The following MEI1 variants were observed in gnomAD, a reference collection of about 807,000 sequenced individuals.
MEI1 encodes meiotic double-stranded break formation protein 1.
In MEI1, 103 loss-of-function variants were observed where a neutral mutation model predicts 146.2. The observed-to-expected ratio is 0.70, with a 90% CI of 0.60 to 0.83. The LOEUF (loss-of-function observed/expected upper bound fraction) is 0.83. Among genes scored for constraint, MEI1 ranks in the 40% least tolerant of loss-of-function variants. MEI1 has a pLI of 0.00. For synonymous variants in MEI1, 652 were observed against 628.2 expected (o/e 1.04, Z -0.57); for missense variants, 1,529 against 1,533.0 (o/e 1.00, Z 0.04).
intron 6 of MEI1, among the ~76,000 whole-genome samples, chr22:41,718,976 ATT>A (rs1357207316): frequency 4.7e-5 from 6 of 127,902 alleles, no homozygotes; most frequent in Non-Finnish European, 8.2e-5. Flanking sequence ...GGTTCAAGTG[ATT>A]CTTTTTTTTT....
At chr22:41,708,598 C>G (rs1292983011) in intron 3 of MEI1, among the ~76,000 whole-genome samples, 2 of 152,192 alleles carry the variant, frequency 1.3e-5, no homozygotes, top group Non-Finnish European at 2.9e-5. Context: ...ATCTGATGCT[C>G]TGAACAGGAA....
intron 24 of MEI1, among the ~76,000 whole-genome samples, chr22:41,782,553 C>G (rs976059001): frequency 2.6e-5 from 4 of 152,178 alleles, no homozygotes; most frequent in African/African-American, 9.7e-5. Flanking sequence ...TCATGGAAAC[C>G]ATCTGCTAGC....
intron 7 of MEI1, among the ~76,000 whole-genome samples, chr22:41,729,234 G>A (rs1380842702): frequency 6.6e-6 from 1 of 151,530 alleles, no homozygotes; most frequent in African/African-American, 2.4e-5. Context: ...TCAGGAGGCT[G>A]AAATGAGAAG....
intron 4 of MEI1, among the ~76,000 whole-genome samples, chr22:41,715,136 A>G (rs1485486314): frequency 2.0e-5 from 3 of 152,102 alleles, no homozygotes; most frequent in African/African-American, 7.2e-5. Context: ...CTTAACATTT[A>G]TTGAGCACTT....
At chr22:41,777,316 T>G (rs529564645) in intron 21 of MEI1, among the ~76,000 whole-genome samples, 3 of 151,918 alleles carry the variant, frequency 2.0e-5, no homozygotes, top group African/African-American at 7.2e-5. Context: ...CCACTGCACC[T>G]GGCTAATTTT....
intron 7 of MEI1, among the ~76,000 whole-genome samples, chr22:41,725,979 G>T (rs1569187521): frequency 6.6e-6 from 1 of 152,166 alleles, no homozygotes; most frequent in Non-Finnish European, 1.5e-5. Flanking sequence ...GAGGAGCTCT[G>T]GTTAGAAGTG....
intron 5 of MEI1, among the ~76,000 whole-genome samples, 152 bp downstream of exon 5, chr22:41,716,298 G>A (rs1255728752): frequency 1.3e-5 from 2 of 150,718 alleles, no homozygotes; most frequent in Admixed American, 6.7e-5. Context: ...ACTGTATGTC[G>A]GTCAATTTGA....
chr22:41,754,003 C>T lies in MEI1; in HGVS notation c.1908C>T (p.Asn636=). 6.2e-7 allele frequency: 1 copy of T among 1,613,792 alleles called. No homozygotes were observed. Among genetic ancestry groups the T allele is most frequent in the Non-Finnish European group, 8.5e-7 (1 of 1,179,724 alleles). Residue 636 remains asparagine (N), a synonymous_variant, in exon 17 of 31, where the codon AAC becomes AAT. Transcript: ENST00000401548. ...ATTTCCTCTACTATATGTGCCTCAACCTTCTCTCAGCTCCAGAGAAGACAG... is the reference window on the plus strand; with the variant it reads ...ATTTCCTCTACTATATGTGCCTCAATCTTCTCTCAGCTCCAGAGAAGACAG... ...CSNFLYYMCL[N]LLSAPEKTGP...
At chr22:41,781,929 G>C in intron 24 of MEI1, 84 bp downstream of exon 24, 1 of 1,498,520 alleles carries the variant, frequency 6.7e-7, no homozygotes, top group Non-Finnish European at 9.1e-7. Flanking sequence ...TCCCAGCTCT[G>C]GGGGCTTATT....
intron 3 of MEI1, 21 bp downstream of exon 3, chr22:41,705,575 T>TA (rs774059842): frequency 3.1e-6 from 5 of 1,603,696 alleles, no homozygotes; most frequent in Non-Finnish European, 4.3e-6. Context: ...ACCTTGTATC[T>TA]AGCACTTGAA....
At chr22:41,763,790 A>C (rs1417351030) in intron 19 of MEI1, among the ~76,000 whole-genome samples, 1 of 151,212 alleles carries the variant, frequency 6.6e-6, no homozygotes, top group Non-Finnish European at 1.5e-5. Flanking sequence ...AAAAACAACA[A>C]CTCTTTGGTC....
At chr22:41,784,881 G>A (rs2075898791) in intron 26 of MEI1, 98 bp downstream of exon 26, 1 of 700,918 alleles carries the variant, frequency 1.4e-6, no homozygotes, top group Non-Finnish European at 1.9e-6. Context: ...GGGCTTGGAG[G>A]GTGGATTAAG....
intron 19 of MEI1, among the ~76,000 whole-genome samples, chr22:41,769,697 C>T (rs930968807): frequency 6.6e-6 from 1 of 151,284 alleles, no homozygotes. Flanking sequence ...GTCTCAAACT[C>T]CCGACCTCAG....
In MEI1 at chr22:41,699,564, C is replaced by T. The variant is rs1345421907; in HGVS notation, c.26C>T (p.Ala9Val). ...ATGGCTGTGAGGCAGGCGGCGACGGCGGGCACTCCCGGGCCCAGGAGAGAG... is the reference window on the plus strand; with the variant it reads ...ATGGCTGTGAGGCAGGCGGCGACGGTGGGCACTCCCGGGCCCAGGAGAGAG... MAVRQAATAGTPGPRREEE... is the reference protein window; with the variant it reads MAVRQAATVGTPGPRREEE... Residue 9 changes from alanine to valine, a missense_variant, in exon 1 of 31, where the codon GCG becomes GTG. Physicochemically the swap from Ala to Val is moderately conservative, Grantham distance 64 (BLOSUM62 0). Transcript: ENST00000401548. 6.2e-7 allele frequency: 1 copy of T among 1,611,696 alleles called. No individual in the cohort carries two copies.
intron 24 of MEI1, among the ~76,000 whole-genome samples, chr22:41,782,746 C>T (rs1026096738): frequency 7.9e-5 from 12 of 152,296 alleles, no homozygotes; most frequent in African/African-American, 2.6e-4. Context: ...CCTAATTTTC[C>T]GTGTGAGGCT....
intron 21 of MEI1, 43 bp downstream of exon 21, chr22:41,776,310 A>C: frequency 6.2e-7 from 1 of 1,605,010 alleles, no homozygotes; most frequent in Non-Finnish European, 8.5e-7. Flanking sequence ...CCTGAAAGCC[A>C]GTCGAGAATG....
intron 15 of MEI1, among the ~76,000 whole-genome samples, chr22:41,748,902 A>G (rs139612244): frequency 0.019 from 2,826 of 151,828 alleles, 37 homozygotes; most frequent in Non-Finnish European, 0.027. Flanking sequence ...CTCCCAGGTC[A>G]TGCCATTCTC....
chr22:41,712,870 G>A (rs1390542184), intron 3 of MEI1, among the ~76,000 whole-genome samples: 2 of 148,280 alleles, frequency 1.3e-5, no homozygotes, highest in Admixed American at 1.4e-4. Context: ...GTGCAGTGGC[G>A]TGATCTCGGC....
chr22:41,756,452 ACT>A lies in MEI1; in HGVS notation c.1952-1910_1952-1909del, dbSNP rs373580033. 1.3e-3 allele frequency among the ~76,000 whole-genome samples: 199 copies of A among 149,598 alleles called. 2 individuals carry two copies. Among genetic ancestry groups the A allele is most frequent in the African/African-American group, 4.7e-3 (190 of 40,574 alleles). ...CACCTGGCCTTTATTCAAATTTTAA[ACT>A]CTGAAGTCAGTCTTTTTCTTTCCTT... On this transcript the variant is annotated intron_variant, in intron 17 of 30. Coordinates refer to ENST00000401548, the MANE Select transcript of MEI1 (RefSeq NM_152513.4).
Sources: gnomAD v4.1 joint callset for allele counts (sites outside exome capture counted in the v4.1 genomes callset) on GRCh38, gnomAD v4.1.1 for gene constraint, MANE v1.5 for transcripts, NCBI Gene and HGNC (gene_info 2026-07-23, HGNC 2026-07-21) for gene names.